Variants in JMJD8 observed in about 807,000 individuals in gnomAD.
JMJD8 encodes jmjC domain-containing protein 8.
JMJD8 carries 56 observed loss-of-function variants against 37.6 expected under a neutral mutation model. The observed-to-expected ratio is 1.49, with a 90% CI of 1.20 to 1.86. The LOEUF is 1.86. JMJD8 is among the 40% of genes most tolerant of loss of function. JMJD8 has a pLI of 0.00. For missense variants in JMJD8, 542 were observed against 362.7 expected (o/e 1.49, Z -4.01); for synonymous variants, 261 against 163.7 (o/e 1.59, Z -4.54).
rs764463204 is a variant in JMJD8, at chr16:684,106, C to T, written c.136G>A (p.Glu46Lys). The change falls in exon 2 of 9, where the codon GAG (glutamate) becomes AAG (lysine). Residue 46 changes from glutamate (E) to lysine (K), a missense_variant. Glu to Lys is a moderately conservative substitution (Grantham distance 56, BLOSUM62 1). Coordinates refer to ENST00000609261, the MANE Select transcript of JMJD8 (RefSeq NM_001005920.4). Reference protein sequence around the residue: ...AVAEEERCTVERRADLTYAEF... With the variant: ...AVAEEERCTVKRRADLTYAEF... ...GCGTAGGTGAGGTCGGCCCGACGCTCCACCGTGCAGCGCTCCTCCTCCGCC... is the reference window on the plus strand; with the variant it reads ...GCGTAGGTGAGGTCGGCCCGACGCTTCACCGTGCAGCGCTCCTCCTCCGCC... 4.5e-6 allele frequency: 7 copies of T among 1,566,444 alleles called. No individual in the cohort carries two copies. The Admixed American group carries it at 5.3e-5, about 12-fold the overall frequency.
At position 681,744 on chromosome 16, in the gene JMJD8, C is replaced by T; in HGVS notation, c.*1050G>A. ...GTTAGCTCTGAGATTGGGGTGTGGT[C>T]AGACATCTGGCCAGGTCCATCTCTG... On this transcript the variant is annotated 3_prime_UTR_variant, in exon 9 of 9. Coordinates refer to ENST00000609261, the MANE Select transcript of JMJD8 (RefSeq NM_001005920.4). 1 of 1,559,788 alleles carries T rather than the reference C, an allele frequency of 6.4e-7. No individual in the cohort carries two copies. Among genetic ancestry groups the T allele is most frequent in the Non-Finnish European group, 8.7e-7 (1 of 1,147,552 alleles).
rs1255392647 is a variant in JMJD8 at position 683,691 on chromosome 16, G to T, written c.316C>A (p.His106Asn). Residue 106 changes from histidine to asparagine, a missense_variant, in exon 4 of 9, where the codon CAC (histidine) becomes AAC (asparagine). By Grantham distance (68) the His-to-Asn change is moderately conservative. Coordinates refer to ENST00000609261, the MANE Select transcript of JMJD8 (RefSeq NM_001005920.4). ...RLSTANTYSYHKVDLPFQEYV... is the reference protein window; with the variant it reads ...RLSTANTYSYNKVDLPFQEYV... ...CAGGGGTGAGGCCGCGTACCTTTGTGGTAGGAGTAGGTGTTGGCGGTGCTC... is the reference window on the plus strand; with the variant it reads ...CAGGGGTGAGGCCGCGTACCTTTGTTGTAGGAGTAGGTGTTGGCGGTGCTC... 2 of 1,602,996 alleles carry T rather than the reference G, an allele frequency of 1.2e-6. No individual in the cohort carries two copies. The highest frequency in any genetic ancestry group is 1.7e-5 in the Admixed American group (1 of 58,588).
At position 683,037 on chromosome 16, in the gene JMJD8, C is replaced by T. The variant is rs376460366; in HGVS notation, c.630G>A (p.Lys210=). Residue 210 remains lysine (K), a synonymous_variant, in exon 8 of 9, where the codon AAG becomes AAA. Coordinates refer to ENST00000609261, the MANE Select transcript of JMJD8 (RefSeq NM_001005920.4). ...PEKTPEFHPN[K]TTLAWLRDTY... Reference sequence around the variant, plus strand: ...TGTCCCGGAGCCAGGCCAGCGTGGTCTTGTTGGGGTGGAACTCTGGCGTCT... The same window carrying T: ...TGTCCCGGAGCCAGGCCAGCGTGGTTTTGTTGGGGTGGAACTCTGGCGTCT... 15 of 1,613,388 alleles carry T rather than the reference C, an allele frequency of 9.3e-6. No homozygotes were observed. In the African/African-American group the frequency reaches 1.6e-4, roughly 17 times the overall value.
chr16:682,098 C>T lies in JMJD8; in HGVS notation c.*696G>A. 6.3e-7 allele frequency: 1 copy of T among 1,581,588 alleles called. No individual in the cohort carries two copies. The highest frequency in any genetic ancestry group is 1.1e-5 in the South Asian group (1 of 87,726). ...GAAGGTGAGTGTGTGTCGCTTGCTG[C>T]CGATGGCTGGCAGGTGCTCGTGCAG... On this transcript the variant is annotated 3_prime_UTR_variant, in exon 9 of 9. Transcript: ENST00000609261.
In JMJD8 at chr16:682,839, C is replaced by T. The variant is rs779334357; in HGVS notation, c.750G>A (p.Thr250=). 13 of 1,613,032 alleles carry T rather than the reference C, an allele frequency of 8.1e-6. 1 individual carries two copies. Among genetic ancestry groups the T allele is most frequent in the South Asian group, 5.5e-5 (5 of 91,076 alleles). The change falls in exon 9 of 9, where the codon ACG becomes ACA. Residue 250 remains threonine, a synonymous_variant. Transcript: ENST00000609261. ...TGAAGACGCTGGTGTCAAGGTTGAG[C>T]GTAGCATGCCACCAGCGGTCGGGGA... ...LYFPDRWWHA[T]LNLDTSVFIS...
Position 684,027 on chromosome 16 carries a change from T to G in JMJD8, c.176+39A>C, listed in dbSNP as rs115630248. ...TGGGCGGTCGGGGCAGACGGGCCGG[T>G]GAACAGGACGCGACCTCCGCGATCA... On this transcript the variant is annotated intron_variant, in intron 2 of 8. Transcript: ENST00000609261. 196 of 1,571,282 alleles carry G rather than the reference T, an allele frequency of 1.2e-4. 1 individual carries two copies. The African/African-American group carries it at 2.5e-3, about 20-fold the overall frequency.
Position 682,150 on chromosome 16 carries a change from G to A in JMJD8, c.*644C>T. On this transcript the variant is annotated 3_prime_UTR_variant, in exon 9 of 9. Transcript: ENST00000609261. ...GCCCCTTTTCAGCCTCTGACCGTGT[G>A]CCCCTGTGCCACAGAAGCGAGACAT... 1.9e-6 allele frequency: 3 copies of A among 1,598,742 alleles called. No individual in the cohort carries two copies. Among genetic ancestry groups the A allele is most frequent in the Non-Finnish European group, 2.6e-6 (3 of 1,167,690 alleles).
Position 681,868 on chromosome 16 carries a change from T to C in JMJD8, c.*926A>G, listed in dbSNP as rs746059653. ...ACGTCCGGGCCCAGCAGGCCTGCAT[T>C]GAGGCCAAGCACGTGAGGGTGCCCC... On this transcript the variant is annotated 3_prime_UTR_variant, in exon 9 of 9. Transcript: ENST00000609261. 15 of 1,612,734 alleles carry C rather than the reference T, an allele frequency of 9.3e-6. No individual in the cohort carries two copies. In the Admixed American group the frequency reaches 1.3e-4, roughly 14 times the overall value.
chr16:683,373 G>T lies in JMJD8; in HGVS notation c.460C>A (p.Pro154Thr). 6.4e-7 allele frequency: 1 copy of T among 1,557,700 alleles called. No individual in the cohort carries two copies. Among genetic ancestry groups the T allele is most frequent in the Non-Finnish European group, 8.7e-7 (1 of 1,150,424 alleles). Residue 154 changes from proline to threonine, a missense_variant, in exon 6 of 9, where the codon CCC becomes ACC. Coordinates refer to ENST00000609261, the MANE Select transcript of JMJD8 (RefSeq NM_001005920.4). ...GCGGTTCCCAGCAGGCCAAATGGGG[G>T]TGGGGAGTAGTGCCGAAAGAGAGAG... ...WASLFRHYSP[P>T]PFGLLGTAPA...
In JMJD8 at chr16:683,880, T is replaced by C. The variant is rs541598443; in HGVS notation, c.206A>G (p.Gln69Arg). ...GCTCACCGAGTTGTCCGTGAGTCCC[T>C]GCAGGATGACGGGCCTGACGAAGGC... is the stretch of plus-strand genomic sequence containing the variant. ...QYAFVRPVILQGLTDNSRFRA... is the reference protein window; with the variant it reads ...QYAFVRPVILRGLTDNSRFRA... Residue 69 changes from glutamine to arginine, a missense_variant, in exon 3 of 9, where the codon CAG becomes CGG. Gln to Arg is a conservative substitution (Grantham distance 43). Coordinates refer to ENST00000609261, the MANE Select transcript of JMJD8 (RefSeq NM_001005920.4). 5.7e-6 allele frequency: 9 copies of C among 1,585,692 alleles called. No homozygotes were observed. Among genetic ancestry groups the C allele is most frequent in the Non-Finnish European group, 7.7e-6 (9 of 1,168,528 alleles).
At position 681,898 on chromosome 16, in the gene JMJD8, C is replaced by A. The variant is rs1567281086; in HGVS notation, c.*896G>T. On this transcript the variant is annotated 3_prime_UTR_variant, in exon 9 of 9. Coordinates refer to ENST00000609261, the MANE Select transcript of JMJD8 (RefSeq NM_001005920.4). ...CCAAGCACGTGAGGGTGCCCCCCAC[C>A]CACATGTGGGTCTGTGTGTGTGCAC... The A allele has an allele frequency of 6.2e-7, 1 of 1,612,830 alleles. No homozygotes were observed. The highest frequency in any genetic ancestry group is 8.5e-7 in the Non-Finnish European group (1 of 1,179,860).
At position 683,351 on chromosome 16, in the gene JMJD8, G is replaced by A. The variant is rs1263723355; in HGVS notation, c.482C>T (p.Thr161Ile). 3 of 1,568,426 alleles carry A rather than the reference G, an allele frequency of 1.9e-6. No homozygotes were observed. Among genetic ancestry groups the A allele is most frequent in the Non-Finnish European group, 2.6e-6 (3 of 1,156,252 alleles). ...YSPPPFGLLGTAPAYSFGIAG... is the reference protein window; with the variant it reads ...YSPPPFGLLGIAPAYSFGIAG... ...GATTCCAAAGCTGTAAGCTGGAGCG[G>A]TTCCCAGCAGGCCAAATGGGGGTGG... The change falls in exon 6 of 9, where the codon ACC (threonine) becomes ATC (isoleucine). Residue 161 changes from threonine to isoleucine, a missense_variant. Thr to Ile is a moderately conservative substitution (Grantham distance 89). Coordinates refer to ENST00000609261, the MANE Select transcript of JMJD8 (RefSeq NM_001005920.4).
In JMJD8 at chr16:684,129, G is replaced by A. The variant is rs1282620411; in HGVS notation, c.113C>T (p.Ala38Val). The A allele has an allele frequency of 2.0e-6, 3 of 1,525,870 alleles. No individual in the cohort carries two copies. Among genetic ancestry groups the A allele is most frequent in the East Asian group, 2.6e-5 (1 of 38,064 alleles). 94.5% of individuals were successfully genotyped at this position (1,525,870 alleles called of 1,614,324 possible). A position where few individuals can be genotyped will look rare whatever the true frequency, so the allele number is the denominator to read the frequency against. Residue 38 changes from alanine to valine, a missense_variant, in exon 2 of 9, where the codon GCG becomes GTG. By Grantham distance (64) the Ala-to-Val change is moderately conservative. Coordinates refer to ENST00000609261, the MANE Select transcript of JMJD8 (RefSeq NM_001005920.4). ...CTCCACCGTGCAGCGCTCCTCCTCC[G>A]CCACGGCCCCCGGCCCGCCCGGGCG... Reference protein sequence around the residue: ...GWRPGGPGAVAEEERCTVERR... With the variant: ...GWRPGGPGAVVEEERCTVERR...
Position 681,754 on chromosome 16 carries a change from GCCAGGT to G in JMJD8, c.*1034_*1039del, listed in dbSNP as rs754709296. The G allele has an allele frequency of 3.2e-6, 5 of 1,565,102 alleles. No homozygotes were observed. In the South Asian group the frequency reaches 5.9e-5, roughly 18 times the overall value. On this transcript the variant is annotated 3_prime_UTR_variant, in exon 9 of 9. Transcript: ENST00000609261. ...AGATTGGGGTGTGGTCAGACATCTG[GCCAGGT>G]CCATCTCTGACCGGCTCCTGGTCAA...
chr16:683,979 G>GC, intron 2 of JMJD8, 70 bp from the exon 3 acceptor site: 1 of 1,555,256 alleles, frequency 6.4e-7, no homozygotes, highest in South Asian at 1.2e-5. Flanking sequence ...ACGCGTGCGC[G>GC]CGAGGTCAGG....
In JMJD8 at chr16:684,328, C is replaced by G. The variant is rs972095271; in HGVS notation, c.-9G>C. The stretch of plus-strand genomic sequence containing the variant: ...CGCGACGCCGGCGCCATGAGCCTGC[C>G]GCCCTCAGGCAGCCGCGCTGCACGC... On this transcript the variant is annotated 5_prime_UTR_variant, in exon 1 of 9. Transcript: ENST00000609261. The G allele has an allele frequency of 8.0e-6, 12 of 1,502,880 alleles. No individual in the cohort carries two copies. Among genetic ancestry groups the G allele is most frequent in the South Asian group, 1.2e-5 (1 of 80,480 alleles). The allele number at this position is 1,502,880 out of a possible 1,614,324, so 93.1% of individuals were successfully genotyped here.
Position 683,755 on chromosome 16 carries a change from G to C in JMJD8, c.252C>G (p.Asp84Glu), listed in dbSNP as rs1456024151. The C allele has an allele frequency of 6.2e-7, 1 of 1,609,538 alleles. No individual in the cohort carries two copies. The highest frequency in any genetic ancestry group is 1.7e-5 in the Admixed American group (1 of 59,646). Residue 84 changes from aspartate to glutamate, a missense_variant, in exon 4 of 9, where the codon GAC becomes GAG. Coordinates refer to ENST00000609261, the MANE Select transcript of JMJD8 (RefSeq NM_001005920.4). ...TGTCCCCAAACGAAGCCAGCAACCT[G>C]TCGCGGGAGCACAGGGCCCGGAACC... ...NSRFRALCSR[D>E]RLLASFGDRV...
rs1226695056 is a variant in JMJD8, at chr16:682,458, T to C, written c.*336A>G. The C allele has an allele frequency of 6.2e-7, 1 of 1,613,446 alleles. No homozygotes were observed. The highest frequency in any genetic ancestry group is 8.5e-7 in the Non-Finnish European group (1 of 1,180,000). On this transcript the variant is annotated 3_prime_UTR_variant, in exon 9 of 9. Transcript: ENST00000609261. ...ATGAAGGAGGTTATTGACGCATTCATCTCTGAGAATGGCTGGGTGGAGGAC... is the reference window on the plus strand; with the variant it reads ...ATGAAGGAGGTTATTGACGCATTCACCTCTGAGAATGGCTGGGTGGAGGAC...
chr16:681,704 T>G lies in JMJD8; in HGVS notation c.*1090A>C, dbSNP rs2039660050. ...AGGCTTTACTGGCAAGCAGGAAATG[T>G]GGGGAAGTGTGGATGTTAGCTCTGA... On this transcript the variant is annotated 3_prime_UTR_variant, in exon 9 of 9. Coordinates refer to ENST00000609261, the MANE Select transcript of JMJD8 (RefSeq NM_001005920.4). 1 of 1,551,186 alleles carries G rather than the reference T, an allele frequency of 6.4e-7. No homozygotes were observed. The highest frequency in any genetic ancestry group is 8.7e-7 in the Non-Finnish European group (1 of 1,142,862).
Sources: allele counts gnomAD v4.1 joint callset, GRCh38; gene constraint gnomAD v4.1.1; transcripts MANE v1.5; gene names NCBI Gene and HGNC (gene_info 2026-07-23, HGNC 2026-07-21).